Variants in RPA1 observed in about 807,000 individuals in gnomAD.
RPA1 encodes the protein replication protein A1, also known as replication protein A 70 kDa DNA-binding subunit.
In RPA1, 49 loss-of-function variants were observed where a neutral mutation model predicts 83.0. The observed-to-expected ratio is 0.59, with a 90% CI of 0.47 to 0.75. The LOEUF (loss-of-function observed/expected upper bound fraction) is 0.75, where lower values mean the gene tolerates loss of function less well. Ranked by LOEUF, RPA1 falls within the 30% of genes least tolerant of loss-of-function variation. RPA1 has a pLI of 0.00. For missense variants in RPA1, 693 were observed against 776.1 expected (o/e 0.89, Z 1.27); for synonymous variants, 279 against 281.8 (o/e 0.99, Z 0.10).
At chr17:1,859,900 C>T in intron 5 of RPA1, among the ~76,000 whole-genome samples, 1 of 152,200 alleles carries the variant, frequency 6.6e-6, no homozygotes, top group African/African-American at 2.4e-5. Flanking sequence ...GCAACCTCCG[C>T]CTCCCAGGTT....
At chr17:1,887,066 A>G (rs1193189769) in intron 13 of RPA1, among the ~76,000 whole-genome samples, 7 of 152,136 alleles carry the variant, frequency 4.6e-5, no homozygotes, top group Non-Finnish European at 1.0e-4. Flanking sequence ...CTTGCTTGAT[A>G]TTCTATCTAG....
rs771469749 is a variant in RPA1, at chr17:1,872,486, A to C, written c.414A>C (p.Ala138=). 6.2e-7 allele frequency: 1 copy of C among 1,614,010 alleles called. No homozygotes were observed. The highest frequency in any genetic ancestry group is 1.1e-5 in the South Asian group (1 of 91,056). The stretch of plus-strand genomic sequence containing the variant: ...CAGCGCCAGCAGCCAGCCCAGCAGC[A>C]AGCAGCAGGCCCCAGCCGCAGAATG... ...APPAPAASPA[A]SSRPQPQNGS... The change falls in exon 6 of 17, where the codon GCA becomes GCC. Residue 138 remains alanine (A), a synonymous_variant. Coordinates refer to ENST00000254719, the MANE Select transcript of RPA1 (RefSeq NM_002945.5).
intron 6 of RPA1, among the ~76,000 whole-genome samples, chr17:1,875,062 G>C (rs976417092): frequency 3.3e-5 from 5 of 152,334 alleles, no homozygotes; most frequent in African/African-American, 7.2e-5. Flanking sequence ...GGAGGCGGAA[G>C]GGTCTTAGTG....
intron 1 of RPA1, among the ~76,000 whole-genome samples, chr17:1,837,330 A>G (rs1315200858): frequency 1.3e-5 from 2 of 152,220 alleles, no homozygotes; most frequent in Admixed American, 1.3e-4. Context: ...ATGGCTCAGT[A>G]GTATTCCATT....
intron 13 of RPA1, among the ~76,000 whole-genome samples, chr17:1,886,706 T>C (rs1045027505): frequency 6.3e-5 from 4 of 63,362 alleles, no homozygotes; most frequent in Non-Finnish European, 1.2e-4. Flanking sequence ...CTTCTGCAGC[T>C]TTTTTTTTTT....
chr17:1,851,269 G>T (rs919520803), intron 4 of RPA1, among the ~76,000 whole-genome samples: 1 of 123,658 alleles, frequency 8.1e-6, no homozygotes, highest in Non-Finnish European at 1.7e-5. Context: ...GTGTATGTGC[G>T]TGTGCGTGTG....
intron 1 of RPA1, among the ~76,000 whole-genome samples, chr17:1,831,382 C>T (rs1911570456): frequency 6.6e-6 from 1 of 152,108 alleles, no homozygotes; most frequent in Non-Finnish European, 1.5e-5. Context: ...TATTTTGCCT[C>T]TGCGTAGATC....
At chr17:1,896,472 A>G (rs1914430047) in intron 16 of RPA1, among the ~76,000 whole-genome samples, 1 of 151,966 alleles carries the variant, frequency 6.6e-6, no homozygotes, top group African/African-American at 2.4e-5. Context: ...GACTACTATA[A>G]ACATTAAATG....
At chr17:1,875,909 G>A in intron 7 of RPA1, 116 bp downstream of exon 7, 1 of 812,966 alleles carries the variant, frequency 1.2e-6, no homozygotes, top group South Asian at 3.2e-5. Context: ...CCACCAAATA[G>A]AATGGGTTTA....
At chr17:1,856,330 C>T (rs1047076686) in intron 5 of RPA1, among the ~76,000 whole-genome samples, 5 of 92,374 alleles carry the variant, frequency 5.4e-5, no homozygotes, top group African/African-American at 1.8e-4. Flanking sequence ...GGTGCTGTGG[C>T]TCACGCCCAT....
chr17:1,893,668 T>C lies in RPA1; in HGVS notation c.1660-1341T>C, dbSNP rs1245263000. On this transcript the variant is annotated intron_variant, in intron 15 of 16. Coordinates refer to ENST00000254719, the MANE Select transcript of RPA1 (RefSeq NM_002945.5). ...AACTATATTCTCTAATTCTTGTCTG[T>C]TTACCAGACTTTTTTTTTTTTAATA... is the stretch of plus-strand genomic sequence containing the variant. Among the ~76,000 whole-genome samples, 5 of 152,280 alleles carry C rather than the reference T, an allele frequency of 3.3e-5. No individual in the cohort carries two copies. In the East Asian group the frequency reaches 9.6e-4, roughly 29 times the overall value.
At chr17:1,868,836 A>G (rs952954703) in intron 5 of RPA1, among the ~76,000 whole-genome samples, 2 of 152,256 alleles carry the variant, frequency 1.3e-5, no homozygotes, top group Non-Finnish European at 2.9e-5. Context: ...ATATTGAATT[A>G]GATGATTTTA....
Position 1,842,858 on chromosome 17 carries a change from G to A in RPA1, c.84+5G>A, listed in dbSNP as rs762058871. ...AAGCCCATCCTCCAAGTCATCGTAA[G>A]TACCTGCGTATGTTATGTTCCATGT... On this transcript the variant is annotated splice_donor_5th_base_variant and intron_variant, in intron 2 of 16. Coordinates refer to ENST00000254719, the MANE Select transcript of RPA1 (RefSeq NM_002945.5). 4.3e-6 allele frequency: 7 copies of A among 1,613,778 alleles called. No individual in the cohort carries two copies. Among genetic ancestry groups the A allele is most frequent in the Non-Finnish European group, 5.1e-6 (6 of 1,179,682 alleles).
At chr17:1,830,956 G>A (rs967332735) in intron 1 of RPA1, among the ~76,000 whole-genome samples, 2 of 152,022 alleles carry the variant, frequency 1.3e-5, no homozygotes, top group Non-Finnish European at 2.9e-5. Flanking sequence ...ATTAGAGACT[G>A]GGTTTCATCA....
intron 4 of RPA1, among the ~76,000 whole-genome samples, chr17:1,845,162 TTGTG>T (rs71150822): frequency 0.028 from 4,029 of 141,678 alleles, 62 homozygotes; most frequent in Middle Eastern, 0.083. Flanking sequence ...TAATGCTGCT[TTGTG>T]TGTGTGTGTG....
chr17:1,834,320 G>A (rs1911728764), intron 1 of RPA1, among the ~76,000 whole-genome samples: 1 of 152,092 alleles, frequency 6.6e-6, no homozygotes, highest in Non-Finnish European at 1.5e-5. Context: ...GCTTCCCAAA[G>A]TGCTGTGATT....
chr17:1,875,925 T>A, intron 7 of RPA1, 132 bp downstream of exon 7: 2 of 434,720 alleles, frequency 4.6e-6, no homozygotes, highest in Non-Finnish European at 6.5e-6. Context: ...GTTTACTCTT[T>A]TTTTTTTTTT....
intron 16 of RPA1, among the ~76,000 whole-genome samples, chr17:1,895,298 CG>C (rs17339256): frequency 1.4e-5 from 2 of 147,122 alleles, no homozygotes; most frequent in African/African-American, 2.5e-5. Flanking sequence ...GAAACAATGG[CG>C]GGGGGGTGGG....
chr17:1,877,255 A>G lies in RPA1; in HGVS notation c.631A>G (p.Thr211Ala). 1.2e-6 allele frequency: 2 copies of G among 1,614,210 alleles called. No individual in the cohort carries two copies. The highest frequency in any genetic ancestry group is 1.7e-6 in the Non-Finnish European group (2 of 1,180,038). Residue 211 changes from threonine to alanine, a missense_variant, in exon 8 of 17, where the codon ACC becomes GCC. Transcript: ENST00000254719. Reference protein sequence around the residue: ...ARVTNKSQIRTWSNSRGEGKL... With the variant: ...ARVTNKSQIRAWSNSRGEGKL... ...TGTTACCAACAAAAGTCAGATCCGTACCTGGAGCAACTCCCGAGGGGAAGG... is the reference window on the plus strand; with the variant it reads ...TGTTACCAACAAAAGTCAGATCCGTGCCTGGAGCAACTCCCGAGGGGAAGG...
Sources: gnomAD v4.1 joint callset for allele counts (sites outside exome capture counted in the v4.1 genomes callset) on GRCh38, gnomAD v4.1.1 for gene constraint, MANE v1.5 for transcripts, NCBI Gene and HGNC (gene_info 2026-07-23, HGNC 2026-07-21) for gene names.